The following EYS variants were observed in gnomAD, a reference collection of about 807,000 sequenced individuals.
EYS encodes the protein protein eyes shut homolog.
In EYS, 250 loss-of-function variants were observed where a neutral mutation model predicts 282.1. The observed-to-expected ratio is 0.89, with a 90% CI of 0.80 to 0.98. EYS has a LOEUF of 0.98. Among genes scored for constraint, EYS ranks in the 50% least tolerant of loss-of-function variants. The pLI is 0.00. For synonymous variants in EYS, 1,355 were observed against 1,282.9 expected, an observed-to-expected ratio of 1.06 and a Z score of -1.20; for missense variants, 4,016 against 3,709.0, an observed-to-expected ratio of 1.08 and a Z score of -2.15.
intron 31 of EYS, among the ~76,000 whole-genome samples, chr6:64,190,621 A>G (rs1054840026): frequency 1.3e-5 from 2 of 152,148 alleles, no homozygotes; most frequent in Admixed American, 6.5e-5. Flanking sequence ...AAACCCAAAG[A>G]TCTTATGGGA....
intron 35 of EYS, among the ~76,000 whole-genome samples, chr6:63,905,425 G>T (rs897158188): frequency 1.3e-5 from 2 of 150,330 alleles, no homozygotes; most frequent in Non-Finnish European, 2.9e-5. Flanking sequence ...TGCCTCCCAG[G>T]TTCACGCCAT....
chr6:65,330,870 C>T (rs1287993048), intron 11 of EYS: 4 of 951,936 alleles, frequency 4.2e-6, no homozygotes, highest in African/African-American at 1.8e-5. Context: ...AGGTTGTAAT[C>T]CAGTTTCATT....
intron 24 of EYS, among the ~76,000 whole-genome samples, chr6:64,610,559 A>T (rs1767082887): frequency 6.6e-6 from 1 of 152,000 alleles, no homozygotes; most frequent in South Asian, 2.1e-4. Context: ...AGCCACTACC[A>T]AGCCTGGCTA....
In EYS at chr6:65,616,895, GACTA is replaced by G. The variant is rs1307388552; in HGVS notation, c.-333+22879_-333+22882del. On this transcript the variant is annotated intron_variant, in intron 2 of 42. Transcript: ENST00000503581. ...AATTCAATTGGTGACTGATCACTAT[GACTA>G]ACTAATACATTGAAGCTTTTAAAAA... is the stretch of plus-strand genomic sequence containing the variant. Among the ~76,000 whole-genome samples, 7 of 152,110 alleles carry G rather than the reference GACTA, an allele frequency of 4.6e-5. No individual in the cohort carries two copies. The East Asian group carries it at 5.8e-4, about 13-fold the overall frequency.
At chr6:65,666,086 A>G (rs1468798014) in intron 1 of EYS, among the ~76,000 whole-genome samples, 2 of 149,502 alleles carry the variant, frequency 1.3e-5, no homozygotes, top group Non-Finnish European at 3.0e-5. Flanking sequence ...TTTTTTTTAC[A>G]TTGGGTGGTA....
intron 12 of EYS, among the ~76,000 whole-genome samples, chr6:65,135,317 A>T (rs1477685967): frequency 6.6e-6 from 1 of 151,962 alleles, no homozygotes; most frequent in African/African-American, 2.4e-5. Context: ...CCAAAGACAA[A>T]TTCATTTTAT....
At chr6:64,330,823 T>C (rs1770619188) in intron 29 of EYS, among the ~76,000 whole-genome samples, 3 of 152,128 alleles carry the variant, frequency 2.0e-5, no homozygotes, top group Admixed American at 1.3e-4. Flanking sequence ...AACCCCTATA[T>C]AACCTTAGAG....
intron 35 of EYS, among the ~76,000 whole-genome samples, chr6:63,967,692 T>C (rs1476802771): frequency 6.6e-6 from 1 of 152,188 alleles, no homozygotes; most frequent in African/African-American, 2.4e-5. Context: ...AATGTAGAAA[T>C]CCATAATTAA....
intron 31 of EYS, among the ~76,000 whole-genome samples, chr6:64,166,378 C>T (rs1488651644): frequency 6.6e-6 from 1 of 152,148 alleles, no homozygotes; most frequent in Admixed American, 6.5e-5. Flanking sequence ...ACAAGGCTTC[C>T]ACTAACAGGA....
intron 9 of EYS, among the ~76,000 whole-genome samples, chr6:65,344,851 T>C (rs1287726437): frequency 6.6e-6 from 1 of 151,626 alleles, no homozygotes; most frequent in Non-Finnish European, 1.5e-5. Flanking sequence ...TAAAAGAACA[T>C]AGAAGACCTG....
chr6:63,869,347 C>CTTCTCTCTTCCCTCTTCCTTCTTTCT (rs1772744622), intron 35 of EYS, among the ~76,000 whole-genome samples: 1 of 152,072 alleles, frequency 6.6e-6, no homozygotes, highest in Non-Finnish European at 1.5e-5. Flanking sequence ...AATCTCTCGC[C>CTTCTCTCTTCCCTCTTCCTTCTTTCT]TTCTCTCTTC....
intron 36 of EYS, among the ~76,000 whole-genome samples, chr6:63,863,663 C>CTTTTT (rs1436358110): frequency 1.8e-5 from 1 of 55,790 alleles, no homozygotes; most frequent in African/African-American, 6.6e-5. Context: ...CTTTTCTTTT[C>CTTTTT]TTTTCTTTTT....
chr6:64,850,911 G>A (rs544418380), intron 19 of EYS, among the ~76,000 whole-genome samples: 13 of 152,154 alleles, frequency 8.5e-5, no homozygotes, highest in Non-Finnish European at 1.8e-4. Context: ...ATATAGTAGG[G>A]AAGATGCAAG....
At chr6:63,858,118 G>A (rs1035106952) in intron 36 of EYS, among the ~76,000 whole-genome samples, 3 of 152,098 alleles carry the variant, frequency 2.0e-5, no homozygotes, top group African/African-American at 7.2e-5. Context: ...AAAACGAGAA[G>A]ATTTCACCTG....
chr6:64,230,959 A>G, intron 30 of EYS, 135 bp from the exon 31 acceptor site: 3 of 506,334 alleles, frequency 5.9e-6, no homozygotes, highest in Non-Finnish European at 1.1e-5. Context: ...GAGGACAAAT[A>G]AAATTATCAT....
At chr6:65,233,145 T>A (rs2150269758) in intron 12 of EYS, among the ~76,000 whole-genome samples, 1 of 152,300 alleles carries the variant, frequency 6.6e-6, no homozygotes, top group South Asian at 2.1e-4. Flanking sequence ...TTTGAAGTCT[T>A]TTTTGGCTAA....
chr6:64,443,013 G>C (rs1775001012), intron 26 of EYS, among the ~76,000 whole-genome samples: 1 of 152,216 alleles, frequency 6.6e-6, no homozygotes, highest in South Asian at 2.1e-4. Flanking sequence ...TCCACTGACG[G>C]CTTGCACTGT....
chr6:64,153,217 T>G (rs550275173), intron 31 of EYS, among the ~76,000 whole-genome samples: 1 of 152,162 alleles, frequency 6.6e-6, no homozygotes, highest in Non-Finnish European at 1.5e-5. Context: ...TTAAATTTTT[T>G]GTGCATAGTC....
intron 2 of EYS, among the ~76,000 whole-genome samples, chr6:65,507,208 T>C (rs1766691940): frequency 1.3e-5 from 2 of 152,200 alleles, no homozygotes; most frequent in Middle Eastern, 3.4e-3. Context: ...GAATTCTAGG[T>C]TAGTGGGCTT....
Sources: allele counts gnomAD v4.1 joint callset (sites outside exome capture counted in the v4.1 genomes callset), GRCh38; gene constraint gnomAD v4.1.1; transcripts MANE v1.5; gene names NCBI Gene and HGNC (gene_info 2026-07-23, HGNC 2026-07-21).